Variants in ROBO2 observed in about 807,000 individuals in gnomAD.
ROBO2 encodes the protein roundabout homolog 2.
In ROBO2, 53 loss-of-function variants were observed where a neutral mutation model predicts 160.8. The observed-to-expected ratio is 0.33, with a 90% CI of 0.26 to 0.41. The LOEUF is 0.41. Ranked by LOEUF, ROBO2 falls within the 10% of genes least tolerant of loss-of-function variation. The probability of loss-of-function intolerance (pLI) is 1.00; values close to 1 mark genes in which losing one functional copy is unlikely to be tolerated. For missense variants in ROBO2, 1,577 were observed against 1,722.4 expected, an observed-to-expected ratio of 0.92 and a Z score of 1.49; for synonymous variants, 664 against 611.7, an observed-to-expected ratio of 1.09 and a Z score of -1.26.
intron 2 of ROBO2, among the ~76,000 whole-genome samples, chr3:76,778,374 G>A (rs1417956341): frequency 3.3e-5 from 5 of 151,166 alleles, no homozygotes; most frequent in Non-Finnish European, 7.4e-5. Context: ...CAAAGGTTAT[G>A]TGTTTTAGTT....
intron 2 of ROBO2, among the ~76,000 whole-genome samples, chr3:76,922,940 G>C (rs2076757596): frequency 6.6e-6 from 1 of 152,184 alleles, no homozygotes; most frequent in Non-Finnish European, 1.5e-5. Context: ...AAAGTAACAT[G>C]TTTTCAATCT....
intron 2 of ROBO2, among the ~76,000 whole-genome samples, chr3:76,509,270 T>A (rs1212670914): frequency 6.6e-6 from 1 of 152,156 alleles, no homozygotes; most frequent in Non-Finnish European, 1.5e-5. Flanking sequence ...AGAAAGAAGA[T>A]ATTCAATCAC....
chr3:77,457,767 T>C (rs2081828993), intron 2 of ROBO2, among the ~76,000 whole-genome samples: 1 of 152,104 alleles, frequency 6.6e-6, no homozygotes, highest in Non-Finnish European at 1.5e-5. Flanking sequence ...AACCAGATTA[T>C]TCTGTCCTCC....
chr3:76,752,999 A>G (rs947259608), intron 2 of ROBO2, among the ~76,000 whole-genome samples: 10 of 151,930 alleles, frequency 6.6e-5, no homozygotes, highest in African/African-American at 2.2e-4. Flanking sequence ...GTTAATGTTT[A>G]TCATTTGGAT....
chr3:77,582,827 A>G (rs528528567), intron 16 of ROBO2, among the ~76,000 whole-genome samples: 2 of 152,196 alleles, frequency 1.3e-5, no homozygotes, highest in East Asian at 3.9e-4. Context: ...TCTCATATTT[A>G]TCTGATATTC....
chr3:75,982,254 T>C (rs1353602359), intron 2 of ROBO2, among the ~76,000 whole-genome samples: 1 of 151,448 alleles, frequency 6.6e-6, no homozygotes. Flanking sequence ...ATCTCTTTGA[T>C]TTACTCATTT....
chr3:77,085,296 C>T (rs937363174), intron 1 of ROBO2, among the ~76,000 whole-genome samples: 1 of 151,960 alleles, frequency 6.6e-6, no homozygotes, highest in African/African-American at 2.4e-5. Context: ...AAAGTGAAGG[C>T]AAAATACAAC....
intron 2 of ROBO2, among the ~76,000 whole-genome samples, chr3:77,328,058 A>T (rs968033342): frequency 1.6e-5 from 1 of 61,138 alleles, no homozygotes; most frequent in Non-Finnish European, 4.0e-5. Flanking sequence ...GTGAGACCGT[A>T]TCTCAAAAAA....
At chr3:76,817,459 A>G (rs1409642730) in intron 2 of ROBO2, among the ~76,000 whole-genome samples, 1 of 152,114 alleles carries the variant, frequency 6.6e-6, no homozygotes, top group Admixed American at 6.6e-5. Context: ...ATTGGTAAAG[A>G]GTGATAATGA....
chr3:76,935,737 GA>G (rs2077656566), intron 2 of ROBO2, among the ~76,000 whole-genome samples: 1 of 152,140 alleles, frequency 6.6e-6, no homozygotes, highest in Non-Finnish European at 1.5e-5. Flanking sequence ...ACAGCTCTCT[GA>G]GACCTCTTTT....
In ROBO2 at chr3:76,531,620, CTTTTT is replaced by C. The variant is rs74266991; in HGVS notation, c.110-566381_110-566377del. 2.5e-4 allele frequency among the ~76,000 whole-genome samples: 30 copies of C among 121,826 alleles called. No homozygotes were observed. In the East Asian group the frequency reaches 6.1e-3, roughly 25 times the overall value. The allele number at this position is 121,826 out of a possible 152,430, so 79.9% of individuals were successfully genotyped here. The stretch of plus-strand genomic sequence containing the variant: ...TTGTTTTGTTTTGTTTGTACAGTTT[CTTTTT>C]TTTTTTTTTTTTGGTACCCTAAGCA... On this transcript the variant is annotated intron_variant, in intron 2 of 26. Transcript: ENST00000487694.
At chr3:77,603,638 T>C (rs573367261) in intron 20 of ROBO2, 3 of 152,632 alleles carry the variant, frequency 2.0e-5, no homozygotes, top group African/African-American at 7.2e-5. Context: ...GTATTTGAGA[T>C]ATATCAGCTA....
At chr3:76,073,354 C>A (rs1289661381) in intron 2 of ROBO2, among the ~76,000 whole-genome samples, 1 of 120,412 alleles carries the variant, frequency 8.3e-6, no homozygotes, top group Admixed American at 1.1e-4. Context: ...AGTGCAGGGG[C>A]GCGATCTGGG....
At chr3:77,375,838 C>T (rs9872242) in intron 2 of ROBO2, among the ~76,000 whole-genome samples, 108,303 of 152,016 alleles carry the variant, frequency 0.71, 39,931 homozygotes, top group Non-Finnish European at 0.81. Flanking sequence ...CACCCTTCAG[C>T]ACACACATAG....
At chr3:76,975,097 C>A (rs1040997617) in intron 2 of ROBO2, among the ~76,000 whole-genome samples, 1 of 152,078 alleles carries the variant, frequency 6.6e-6, no homozygotes, top group Non-Finnish European at 1.5e-5. Context: ...ATATTTATAA[C>A]GTGGAAAATA....
chr3:77,415,756 G>A (rs989388428), intron 2 of ROBO2, among the ~76,000 whole-genome samples: 12 of 152,142 alleles, frequency 7.9e-5, no homozygotes, highest in Admixed American at 2.0e-4. Flanking sequence ...CAGAGATGCC[G>A]GTAACCACAG....
At chr3:76,468,161 A>G (rs2106959406) in intron 2 of ROBO2, among the ~76,000 whole-genome samples, 1 of 152,166 alleles carries the variant, frequency 6.6e-6, no homozygotes, top group Non-Finnish European at 1.5e-5. Flanking sequence ...CCTGTTTTGG[A>G]TGTGAGGAAT....
chr3:76,524,565 G>A (rs906589550), intron 2 of ROBO2, among the ~76,000 whole-genome samples: 13 of 151,452 alleles, frequency 8.6e-5, no homozygotes, highest in African/African-American at 2.4e-4. Flanking sequence ...ATTATGGGAC[G>A]CTTTTCAATG....
chr3:77,555,244 GA>G (rs1406647138), intron 8 of ROBO2, among the ~76,000 whole-genome samples: 2 of 151,642 alleles, frequency 1.3e-5, no homozygotes, highest in East Asian at 1.9e-4. Flanking sequence ...TACGCACTGG[GA>G]AAAAAAATTT....
Sources: allele counts gnomAD v4.1 joint callset (sites outside exome capture counted in the v4.1 genomes callset), GRCh38; gene constraint gnomAD v4.1.1; transcripts MANE v1.5; gene names NCBI Gene and HGNC (gene_info 2026-07-23, HGNC 2026-07-21).